TENM2: variants seen among roughly 807,000 people sequenced by gnomAD.
TENM2 encodes teneurin-2.
Under a neutral mutation model 245.2 loss-of-function variants are expected in TENM2, and 52 were observed. That is an observed-to-expected ratio of 0.21 (90% CI 0.17 to 0.27). The LOEUF is 0.27. TENM2 is among the 10% of genes least tolerant of loss of function. The pLI, the probability that TENM2 is intolerant of heterozygous loss-of-function variation, is 1.00. For synonymous variants in TENM2, 1,363 were observed against 1,438.9 expected (o/e 0.95, Z 1.19); for missense variants, 3,046 against 3,666.8 (o/e 0.83, Z 4.37).
At chr5:168,119,870 T>A (rs1795348722) in intron 10 of TENM2, among the ~76,000 whole-genome samples, 1 of 152,196 alleles carries the variant, frequency 6.6e-6, no homozygotes, top group Non-Finnish European at 1.5e-5. Flanking sequence ...ATAGAAAAGA[T>A]CCTGTTGGAT....
intron 1 of TENM2, among the ~76,000 whole-genome samples, chr5:167,323,516 C>CT (rs1338198272): frequency 1.3e-5 from 2 of 152,036 alleles, no homozygotes; most frequent in African/African-American, 4.8e-5. Context: ...TCTAACACCT[C>CT]TGAGTTTTTT....
chr5:167,226,611 T>A, the TENM2 span, among the ~76,000 whole-genome samples: 2 of 152,046 alleles, frequency 1.3e-5, no homozygotes, highest in South Asian at 2.1e-4. Flanking sequence ...ATATGTTCTA[T>A]CCTGGAGAAT....
At chr5:168,011,748 C>A (rs1785237569) in intron 5 of TENM2, among the ~76,000 whole-genome samples, 1 of 152,060 alleles carries the variant, frequency 6.6e-6, no homozygotes, top group Non-Finnish European at 1.5e-5. Flanking sequence ...AAACAGGGTT[C>A]AACTGAAGAG....
chr5:167,415,551 C>T (rs1424746102), intron 2 of TENM2, among the ~76,000 whole-genome samples: 2 of 152,014 alleles, frequency 1.3e-5, no homozygotes, highest in African/African-American at 4.8e-5. Flanking sequence ...AATCATAGAA[C>T]TCTGATTTCT....
intron 2 of TENM2, among the ~76,000 whole-genome samples, chr5:167,703,530 C>CAAAAAAAA (rs747603141): frequency 1.0e-4 from 10 of 97,160 alleles, no homozygotes; most frequent in Middle Eastern, 5.9e-3. Flanking sequence ...GAAACCATCT[C>CAAAAAAAA]AAAAAAAAAA....
intron 5 of TENM2, among the ~76,000 whole-genome samples, chr5:168,001,000 A>C (rs574153510): frequency 6.7e-6 from 1 of 149,902 alleles, no homozygotes; most frequent in East Asian, 2.0e-4. Flanking sequence ...GAGTATGCCC[A>C]AAATAGTGAC....
chr5:167,712,781 A>G (rs1758995572), intron 2 of TENM2, among the ~76,000 whole-genome samples: 1 of 152,220 alleles, frequency 6.6e-6, no homozygotes, highest in African/African-American at 2.4e-5. Context: ...ATATTTTTCC[A>G]TGTTCTACCC....
intron 1 of TENM2, among the ~76,000 whole-genome samples, chr5:167,327,717 C>A (rs527399883): frequency 6.6e-6 from 1 of 152,060 alleles, no homozygotes; most frequent in Admixed American, 6.5e-5. Flanking sequence ...ATATAGAGAT[C>A]CAAGGATGGA....
the TENM2 span, among the ~76,000 whole-genome samples, chr5:167,155,786 T>A: frequency 6.6e-6 from 1 of 152,222 alleles, no homozygotes; most frequent in Non-Finnish European, 1.5e-5. Flanking sequence ...ACTCTGCAAG[T>A]GAAAAGCAGG....
chr5:167,254,441 T>C, the TENM2 span, among the ~76,000 whole-genome samples: 5 of 152,246 alleles, frequency 3.3e-5, no homozygotes, highest in South Asian at 1.0e-3. Flanking sequence ...GCCAAAGTCA[T>C]CCCTCCACCC....
chr5:167,735,029 T>A (rs571986475), intron 2 of TENM2, among the ~76,000 whole-genome samples: 42 of 152,310 alleles, frequency 2.8e-4, no homozygotes, highest in African/African-American at 8.9e-4. Flanking sequence ...ATTAACCAGA[T>A]GCATCCATTG....
the TENM2 span, among the ~76,000 whole-genome samples, chr5:167,034,647 A>AAG: frequency 6.6e-6 from 1 of 151,498 alleles, no homozygotes; most frequent in Non-Finnish European, 1.5e-5. Flanking sequence ...AAAAAAAAAA[A>AAG]AAAAAAGAAA....
intron 13 of TENM2, among the ~76,000 whole-genome samples, chr5:168,166,974 G>T (rs1048198077): frequency 3.3e-5 from 5 of 152,012 alleles, no homozygotes; most frequent in Non-Finnish European, 2.9e-5. Context: ...GGAAGCAATG[G>T]CTGATTCTGA....
At chr5:167,443,715 T>C (rs1764994134) in intron 2 of TENM2, among the ~76,000 whole-genome samples, 1 of 152,214 alleles carries the variant, frequency 6.6e-6, no homozygotes, top group Non-Finnish European at 1.5e-5. Context: ...AAATATGTTT[T>C]GCCTCACAGT....
exon 11 of TENM2, chr5:168,125,049 T>C: frequency 6.2e-7 from 1 of 1,604,854 alleles, no homozygotes; most frequent in South Asian, 1.1e-5. Flanking sequence ...ACTGCTCTGT[T>C]GGTAAGCCAC....
At chr5:167,196,207 C>G in the TENM2 span, among the ~76,000 whole-genome samples, 1 of 151,862 alleles carries the variant, frequency 6.6e-6, no homozygotes, top group Non-Finnish European at 1.5e-5. Context: ...ATTTGTGTTT[C>G]TAAACATATA....
chr5:167,762,427 C>G (rs1021206728), intron 2 of TENM2, among the ~76,000 whole-genome samples: 4 of 152,200 alleles, frequency 2.6e-5, no homozygotes, highest in Non-Finnish European at 5.9e-5. Context: ...GATGGCCAAT[C>G]ATATTCTAGA....
the TENM2 span, among the ~76,000 whole-genome samples, chr5:167,179,432 G>A: frequency 1.3e-5 from 2 of 151,948 alleles, no homozygotes; most frequent in African/African-American, 2.4e-5. Flanking sequence ...TTACATTTTC[G>A]GTAAGTAATT....
intron 2 of TENM2, among the ~76,000 whole-genome samples, chr5:167,509,044 C>G (rs1301731085): frequency 6.6e-6 from 1 of 152,148 alleles, no homozygotes; most frequent in Admixed American, 6.5e-5. Context: ...TCTCAAACTC[C>G]CGACCTCAGG....
Sources: gnomAD v4.1 joint callset for allele counts (sites outside exome capture counted in the v4.1 genomes callset) on GRCh38, gnomAD v4.1.1 for gene constraint, MANE v1.5 for transcripts, NCBI Gene and HGNC (gene_info 2026-07-23, HGNC 2026-07-21) for gene names.